The following TNN variants were observed in gnomAD, a reference collection of about 807,000 sequenced individuals.
TNN encodes the protein tenascin-N.
In TNN, 122 loss-of-function variants were observed where a neutral mutation model predicts 134.4. The observed-to-expected ratio is 0.91, with a 90% CI of 0.78 to 1.06. The LOEUF is 1.06. TNN is among the 50% of genes least tolerant of loss of function. The pLI is 0.00. For missense variants in TNN, 1,739 were observed against 1,699.4 expected (o/e 1.02, Z -0.41); for synonymous variants, 710 against 670.3 (o/e 1.06, Z -0.91).
intron 9 of TNN, among the ~76,000 whole-genome samples, chr1:175,109,023 A>T (rs1027472136): frequency 4.6e-5 from 7 of 150,566 alleles, no homozygotes; most frequent in Non-Finnish European, 1.0e-4. Context: ...TCACCTCTTA[A>T]TCCTACTGTG....
intron 9 of TNN, among the ~76,000 whole-genome samples, chr1:175,111,453 C>T (rs1212120834): frequency 2.4e-5 from 3 of 123,244 alleles, no homozygotes; most frequent in Non-Finnish European, 4.8e-5. Flanking sequence ...TGCCACTGCA[C>T]TCCAGCCTGG....
chr1:175,129,064 G>A (rs73030981), intron 15 of TNN, among the ~76,000 whole-genome samples: 2,533 of 152,218 alleles, frequency 0.017, 63 homozygotes, highest in African/African-American at 0.057. Context: ...AGAGTAGGGC[G>A]TTTCTGAAAG....
intron 11 of TNN, among the ~76,000 whole-genome samples, chr1:175,119,437 C>G (rs1675285712): frequency 6.6e-6 from 1 of 152,116 alleles, no homozygotes. Context: ...ACAGCACGGT[C>G]TTTATGACCT....
chr1:175,122,166 G>C (rs1445415545), intron 11 of TNN, among the ~76,000 whole-genome samples: 1 of 151,092 alleles, frequency 6.6e-6, no homozygotes, highest in Non-Finnish European at 1.5e-5. Flanking sequence ...TGAGGTAGGT[G>C]AATTGCTTGA....
intron 6 of TNN, among the ~76,000 whole-genome samples, chr1:175,086,513 A>G (rs111990692): frequency 3.7e-4 from 57 of 152,286 alleles, no homozygotes; most frequent in African/African-American, 1.3e-3. Flanking sequence ...ACATAGTGCC[A>G]TTCGGGGAGA....
At chr1:175,139,747 A>C (rs1675902079) in intron 17 of TNN, among the ~76,000 whole-genome samples, 1 of 152,238 alleles carries the variant, frequency 6.6e-6, no homozygotes, top group African/African-American at 2.4e-5. Context: ...TATGTGCAAG[A>C]CTTTTGTATA....
At chr1:175,123,753 G>C in intron 12 of TNN, 90 bp downstream of exon 12, 3 of 1,571,880 alleles carry the variant, frequency 1.9e-6, no homozygotes, top group Non-Finnish European at 2.6e-6. Context: ...GAGCAGGAGG[G>C]TGGTTGCTTT....
chr1:175,103,200 G>A (rs1674772419), intron 9 of TNN, among the ~76,000 whole-genome samples: 1 of 146,568 alleles, frequency 6.8e-6, no homozygotes, highest in African/African-American at 2.5e-5. Context: ...AAGGGGAGAA[G>A]CCATGTTGCC....
intron 17 of TNN, among the ~76,000 whole-genome samples, chr1:175,140,853 T>C (rs1675929078): frequency 6.6e-6 from 1 of 152,224 alleles, no homozygotes; most frequent in Non-Finnish European, 1.5e-5. Flanking sequence ...GATTTGTCCA[T>C]GAGGAGGGTT....
intron 11 of TNN, among the ~76,000 whole-genome samples, chr1:175,121,176 A>G (rs1046521377): frequency 1.3e-5 from 2 of 152,250 alleles, no homozygotes; most frequent in African/African-American, 2.4e-5. Flanking sequence ...ACTAATGGCT[A>G]CGGTATCGGA....
Position 175,126,962 on chromosome 1 carries a change from C to T in TNN, c.2922C>T (p.Asp974=), listed in dbSNP as rs1324840512. Reference sequence around the variant, plus strand: ...CTGACTTTCTACGTACAGAACTCGACCCTCCCAGAAACCTTCGTCCATCTG... The same window carrying T: ...CTGACTTTCTACGTACAGAACTCGATCCTCCCAGAAACCTTCGTCCATCTG... ...KADTKAQTEL[D]PPRNLRPSAV... The change falls in exon 13 of 19, where the codon GAC becomes GAT. Residue 974 remains aspartate, a synonymous_variant. Transcript: ENST00000239462. 1 of 1,611,922 alleles carries T rather than the reference C, an allele frequency of 6.2e-7. No individual in the cohort carries two copies. The highest frequency in any genetic ancestry group is 2.2e-5 in the East Asian group (1 of 44,874).
At chr1:175,084,602 G>T (rs1185309693) in intron 5 of TNN, among the ~76,000 whole-genome samples, 1 of 152,216 alleles carries the variant, frequency 6.6e-6, no homozygotes, top group Non-Finnish European at 1.5e-5. Context: ...GCCCGTGAAA[G>T]TGTGGGGCTT....
At chr1:175,110,893 G>T (rs550626565) in intron 9 of TNN, among the ~76,000 whole-genome samples, 2 of 152,190 alleles carry the variant, frequency 1.3e-5, no homozygotes, top group African/African-American at 4.8e-5. Context: ...TTTTTTTCTA[G>T]GCTGGGTGCA....
chr1:175,092,551 T>C (rs1451660572), intron 6 of TNN, among the ~76,000 whole-genome samples: 2 of 152,254 alleles, frequency 1.3e-5, no homozygotes, highest in East Asian at 3.8e-4. Flanking sequence ...ACTTTATTTA[T>C]AATTTATTAT....
At chr1:175,068,521 A>G (rs1673848275) in intron 1 of TNN, among the ~76,000 whole-genome samples, 1 of 152,174 alleles carries the variant, frequency 6.6e-6, no homozygotes, top group South Asian at 2.1e-4. Flanking sequence ...ACAGGTTTTA[A>G]TTATTATTTG....
At position 175,104,616 on chromosome 1, in the gene TNN, G is replaced by A. The variant is rs891877975; in HGVS notation, c.2119+6021G>A. ...AAGGCTGCGGCCTTTCTCTGATCTC[G>A]CTTTTCCTTTTGGGCCTGTTCCTCT... On this transcript the variant is annotated intron_variant, in intron 9 of 18. Transcript: ENST00000239462. 4.5e-4 allele frequency among the ~76,000 whole-genome samples: 66 copies of A among 145,406 alleles called. 5 individuals carry two copies. The highest frequency in any genetic ancestry group is 1.3e-3 in the African/African-American group (53 of 40,428).
Position 175,118,742 on chromosome 1 carries a change from G to T in TNN, c.2568G>T (p.Arg856Ser). Reference sequence around the variant, plus strand: ...GCAGCACTGTCCTGACGGGCCTGAGGCCGGGCATGGAGTACACGGTGCACG... The same window carrying T: ...GCAGCACTGTCCTGACGGGCCTGAGTCCGGGCATGGAGTACACGGTGCACG... ...EQSSTVLTGL[R>S]PGMEYTVHVW... Residue 856 changes from arginine (R) to serine (S), a missense_variant, in exon 11 of 19, where the codon AGG (arginine) becomes AGT (serine). Transcript: ENST00000239462. 6.2e-7 allele frequency: 1 copy of T among 1,614,238 alleles called. No homozygotes were observed. The highest frequency in any genetic ancestry group is 1.1e-5 in the South Asian group (1 of 91,086).
chr1:175,077,116 A>C (rs1674059466), intron 1 of TNN, among the ~76,000 whole-genome samples: 1 of 152,190 alleles, frequency 6.6e-6, no homozygotes, highest in African/African-American at 2.4e-5. Flanking sequence ...TGCTCTTCTT[A>C]TTATTAATAA....
intron 9 of TNN, among the ~76,000 whole-genome samples, chr1:175,108,667 G>T (rs1674931268): frequency 6.6e-6 from 1 of 152,192 alleles, no homozygotes; most frequent in Non-Finnish European, 1.5e-5. Context: ...CACTGCTGGG[G>T]GACCCAGTAC....
Sources: gnomAD v4.1 joint callset for allele counts (sites outside exome capture counted in the v4.1 genomes callset) on GRCh38, gnomAD v4.1.1 for gene constraint, MANE v1.5 for transcripts, NCBI Gene and HGNC (gene_info 2026-07-23, HGNC 2026-07-21) for gene names.